GFOD2: variants seen among roughly 807,000 people sequenced by gnomAD.
The protein encoded by GFOD2 is glucose-fructose oxidoreductase domain-containing protein 2.
In GFOD2, 9 loss-of-function variants were observed where a neutral mutation model predicts 24.6. The observed-to-expected ratio is 0.37, with a 90% CI of 0.22 to 0.64. The LOEUF is 0.64. Ranked by LOEUF, GFOD2 falls within the 30% of genes least tolerant of loss-of-function variation. The pLI, the probability that GFOD2 is intolerant of heterozygous loss-of-function variation, is 0.65. For missense variants in GFOD2, 476 were observed against 532.5 expected (o/e 0.89, Z 1.04); for synonymous variants, 211 against 224.8 (o/e 0.94, Z 0.55).
chr16:67,694,987 C>CT (rs542893576), intron 1 of GFOD2, among the ~76,000 whole-genome samples: 2,787 of 121,502 alleles, frequency 0.023, 79 homozygotes, highest in Non-Finnish European at 0.027. Flanking sequence ...CCATCTCTCT[C>CT]TTTTTTTTTT....
chr16:67,678,566 G>A (rs2053201247), intron 2 of GFOD2, among the ~76,000 whole-genome samples: 1 of 152,084 alleles, frequency 6.6e-6, no homozygotes, highest in East Asian at 1.9e-4. Context: ...CCCAGGAAGA[G>A]TCAATTACTG....
chr16:67,682,294 C>T, intron 2 of GFOD2: 2 of 954,010 alleles, frequency 2.1e-6, no homozygotes, highest in Non-Finnish European at 2.5e-6. Flanking sequence ...CCTCGGCCTC[C>T]CAAAGTGCTG....
chr16:67,690,364 C>T (rs2053302509), intron 1 of GFOD2, among the ~76,000 whole-genome samples: 1 of 151,784 alleles, frequency 6.6e-6, no homozygotes. Context: ...GTTGGTTAGC[C>T]GTTCTGATGG....
At chr16:67,698,810 C>T (rs2053377916) in intron 1 of GFOD2, among the ~76,000 whole-genome samples, 1 of 151,840 alleles carries the variant, frequency 6.6e-6, no homozygotes, top group African/African-American at 2.4e-5. Flanking sequence ...GGCAGAAAGA[C>T]GTAGGTAGGA....
intron 1 of GFOD2, among the ~76,000 whole-genome samples, chr16:67,714,173 A>G (rs1597806551): frequency 6.6e-6 from 1 of 152,042 alleles, no homozygotes; most frequent in East Asian, 1.9e-4. Context: ...TTCCTGTTAT[A>G]CAGGTTAAGA....
In GFOD2 at chr16:67,675,254, C is replaced by G; in HGVS notation, c.1059G>C (p.Arg353Ser). 1.9e-6 allele frequency: 3 copies of G among 1,613,262 alleles called. No individual in the cohort carries two copies. The highest frequency in any genetic ancestry group is 1.7e-6 in the Non-Finnish European group (2 of 1,180,028). The change falls in exon 3 of 3, where the codon AGG becomes AGC. Residue 353 changes from arginine to serine, a missense_variant. Arg to Ser is a moderately radical substitution (Grantham distance 110, BLOSUM62 -1). Coordinates refer to ENST00000268797, the MANE Select transcript of GFOD2 (RefSeq NM_030819.4). ...YMQSVVDAIKRSSRSGEWEAV... is the reference protein window; with the variant it reads ...YMQSVVDAIKSSSRSGEWEAV... ...CCTCCCACTCCCCGGATCGGCTCGA[C>G]CTCTTGATGGCATCCACCACGCTCT...
chr16:67,687,857 T>C (rs893966401), intron 1 of GFOD2, among the ~76,000 whole-genome samples: 2 of 149,818 alleles, frequency 1.3e-5, no homozygotes, highest in Non-Finnish European at 3.0e-5. Flanking sequence ...CACATGCCTA[T>C]AGTCCCAGCT....
chr16:67,714,750 C>A (rs2053496478), intron 1 of GFOD2, among the ~76,000 whole-genome samples: 1 of 152,142 alleles, frequency 6.6e-6, no homozygotes, highest in African/African-American at 2.4e-5. Context: ...TTTTCACAGT[C>A]TTCATTCCAA....
At chr16:67,708,602 T>C (rs527398800) in intron 1 of GFOD2, among the ~76,000 whole-genome samples, 1 of 152,310 alleles carries the variant, frequency 6.6e-6, no homozygotes, top group Non-Finnish European at 1.5e-5. Context: ...TCATAGAGCA[T>C]TGGTATGTAT....
chr16:67,675,863 G>A lies in GFOD2; in HGVS notation c.450C>T (p.Ala150=), dbSNP rs1302267900. Residue 150 remains alanine (A), a synonymous_variant, in exon 3 of 3, where the codon GCC becomes GCT. Coordinates refer to ENST00000268797, the MANE Select transcript of GFOD2 (RefSeq NM_030819.4). ...TCAGCAGGCTGCCTGAGTAGATGCG[G>A]GCATCACAGATCATCACCGCTCCCA... ...HYVGAVMICD[A]RIYSGSLLSP... is the part of the protein sequence containing the mutation. The A allele has an allele frequency of 6.2e-7, 1 of 1,614,162 alleles. No homozygotes were observed. The highest frequency in any genetic ancestry group is 2.2e-5 in the East Asian group (1 of 44,872).
chr16:67,696,235 G>A (rs1010836025), intron 1 of GFOD2, among the ~76,000 whole-genome samples: 10 of 151,166 alleles, frequency 6.6e-5, no homozygotes, highest in African/African-American at 1.9e-4. Context: ...GGATGGTCCC[G>A]ATCTCTTGAC....
At chr16:67,704,601 T>A (rs2053427117) in intron 1 of GFOD2, among the ~76,000 whole-genome samples, 1 of 152,136 alleles carries the variant, frequency 6.6e-6, no homozygotes, top group South Asian at 2.1e-4. Flanking sequence ...TATTTGGCAC[T>A]CCCCTCAAGG....
At chr16:67,682,710 G>A in intron 2 of GFOD2, 1 of 985,366 alleles carries the variant, frequency 1.0e-6, no homozygotes, top group South Asian at 4.7e-5. Flanking sequence ...GGCAAGAAAT[G>A]ATCTCGTGGC....
At chr16:67,694,494 C>G (rs2053342984) in intron 1 of GFOD2, among the ~76,000 whole-genome samples, 1 of 151,978 alleles carries the variant, frequency 6.6e-6, no homozygotes, top group Non-Finnish European at 1.5e-5. Flanking sequence ...GAGGCAGCAT[C>G]TTACTATGTT....
intron 1 of GFOD2, among the ~76,000 whole-genome samples, chr16:67,695,316 T>A (rs1597798077): frequency 6.6e-6 from 1 of 151,940 alleles, no homozygotes; most frequent in African/African-American, 2.4e-5. Context: ...CTCTTTTCTC[T>A]TTGCTAATTC....
At chr16:67,709,870 C>T (rs539098195) in intron 1 of GFOD2, among the ~76,000 whole-genome samples, 15 of 152,104 alleles carry the variant, frequency 9.9e-5, no homozygotes, top group Admixed American at 2.0e-4. Flanking sequence ...TCAAGTGATC[C>T]GCCCGTCTCA....
chr16:67,687,143 G>A (rs1420659024), intron 1 of GFOD2, among the ~76,000 whole-genome samples: 1 of 128,254 alleles, frequency 7.8e-6, no homozygotes, highest in African/African-American at 3.0e-5. Context: ...ATGAGACTCC[G>A]TCACAAAAAA....
chr16:67,684,297 TGGGA>T (rs971333991), intron 2 of GFOD2: 3 of 152,148 alleles, frequency 2.0e-5, no homozygotes, highest in African/African-American at 7.2e-5. Context: ...CGCTTGAACC[TGGGA>T]GGTGGAGGTT....
intron 2 of GFOD2, chr16:67,681,736 G>T: frequency 2.0e-6 from 2 of 985,272 alleles, no homozygotes; most frequent in Non-Finnish European, 2.4e-6. Flanking sequence ...TAAACTTAGG[G>T]CTCAGTAGTA....
Sources: gnomAD v4.1 joint callset for allele counts (sites outside exome capture counted in the v4.1 genomes callset) on GRCh38, gnomAD v4.1.1 for gene constraint, MANE v1.5 for transcripts, NCBI Gene and HGNC (gene_info 2026-07-23, HGNC 2026-07-21) for gene names.